PSD2: variants seen among roughly 807,000 people sequenced by gnomAD.
PSD2 encodes pleckstrin and Sec7 domain containing 2, also known as PH and SEC7 domain-containing protein 2.
A neutral mutation model predicts 69.8 loss-of-function variants in PSD2; 38 were observed. The ratio of observed to expected loss-of-function variants is 0.54; its 90% confidence interval spans 0.42 to 0.71. The LOEUF (loss-of-function observed/expected upper bound fraction) is 0.71. PSD2 is among the 30% of genes least tolerant of loss of function. The pLI, the probability that PSD2 is intolerant of heterozygous loss-of-function variation, is 0.00. For synonymous variants in PSD2, 412 were observed against 423.0 expected, an observed-to-expected ratio of 0.97 and a Z score of 0.32; for missense variants, 943 against 1,014.5, an observed-to-expected ratio of 0.93 and a Z score of 0.96.
intron 4 of PSD2, 141 bp from the exon 5 acceptor site, chr5:139,817,340 C>T: frequency 1.4e-6 from 1 of 715,442 alleles, no homozygotes; most frequent in Non-Finnish European, 2.5e-6. Context: ...AATGTTATGG[C>T]CCAACTAGCC....
the PSD2 span, among the ~76,000 whole-genome samples, chr5:139,787,255 C>T: frequency 1.3e-5 from 2 of 152,222 alleles, no homozygotes; most frequent in Non-Finnish European, 2.9e-5. Flanking sequence ...CCAAGGGCTC[C>T]TACCATGCCT....
At chr5:139,812,320 G>A (rs1485541806) in intron 2 of PSD2, among the ~76,000 whole-genome samples, 2 of 152,126 alleles carry the variant, frequency 1.3e-5, no homozygotes, top group African/African-American at 2.4e-5. Flanking sequence ...AAGGGGATGT[G>A]GAAGGAGGGC....
chr5:139,768,614 T>C, the PSD2 span, among the ~76,000 whole-genome samples: 16 of 151,742 alleles, frequency 1.1e-4, no homozygotes, highest in Non-Finnish European at 2.9e-5. Context: ...TCCCAGCTAT[T>C]TGGGAGGCTG....
the PSD2 span, among the ~76,000 whole-genome samples, chr5:139,788,738 C>G: frequency 1.3e-5 from 2 of 152,196 alleles, no homozygotes; most frequent in Non-Finnish European, 2.9e-5. Context: ...GGCTGGCTCT[C>G]GGCACTGCAA....
At chr5:139,759,231 C>T in the PSD2 span, among the ~76,000 whole-genome samples, 4 of 152,292 alleles carry the variant, frequency 2.6e-5, no homozygotes. Context: ...CTGCACCGCA[C>T]ACCGCAGATC....
At chr5:139,764,442 C>T in the PSD2 span, among the ~76,000 whole-genome samples, 2 of 152,128 alleles carry the variant, frequency 1.3e-5, no homozygotes, top group African/African-American at 4.8e-5. Context: ...GGTGGGGGAG[C>T]CATATCCGTG....
chr5:139,815,995 T>TA (rs768724760), intron 4 of PSD2, among the ~76,000 whole-genome samples: 3,218 of 92,646 alleles, frequency 0.035, 69 homozygotes, highest in African/African-American at 0.057. Context: ...CTCCATATAT[T>TA]AAAAAAAAAA....
At chr5:139,816,586 G>T (rs752568157) in intron 4 of PSD2, among the ~76,000 whole-genome samples, 1 of 152,226 alleles carries the variant, frequency 6.6e-6, no homozygotes, top group Non-Finnish European at 1.5e-5. Flanking sequence ...AATGGGCAGC[G>T]AGCTCCAGGC....
chr5:139,814,832 C>A lies in PSD2; in HGVS notation c.1016+468C>A, dbSNP rs1260106493. Among the ~76,000 whole-genome samples, 2 of 152,136 alleles carry A rather than the reference C, an allele frequency of 1.3e-5. No individual in the cohort carries two copies. The highest frequency in any genetic ancestry group is 4.8e-5 in the African/African-American group (2 of 41,430). The stretch of plus-strand genomic sequence containing the variant: ...GGGGCTGAAGCCCCCAAAGCACACA[C>A]CCTGGCCTTCAGACCAGGTGCAAAG... On this transcript the variant is annotated intron_variant, in intron 4 of 14. Coordinates refer to ENST00000274710, the MANE Select transcript of PSD2 (RefSeq NM_032289.4). This position sits in a 1 kb window ranked among gnomAD's most constrained non-coding sequence, Gnocchi z 4.4.
chr5:139,771,368 CTTTCT>C, the PSD2 span, among the ~76,000 whole-genome samples: 391 of 151,878 alleles, frequency 2.6e-3, 1 homozygote, highest in African/African-American at 8.5e-3. Context: ...AGCAGGCCTG[CTTTCT>C]TTTCTTTTCT....
At chr5:139,824,398 T>G (rs1349361450) in intron 7 of PSD2, among the ~76,000 whole-genome samples, 2 of 146,344 alleles carry the variant, frequency 1.4e-5, no homozygotes, top group East Asian at 3.9e-4. Context: ...TCTCTTGTTT[T>G]TTTTTTTTTT....
Position 139,837,772 on chromosome 5 carries a change from T to G in PSD2, c.1813T>G (p.Phe605Val). The G allele has an allele frequency of 6.2e-7, 1 of 1,610,312 alleles. No homozygotes were observed. Among genetic ancestry groups the G allele is most frequent in the Non-Finnish European group, 8.5e-7 (1 of 1,177,050 alleles). The change falls in exon 12 of 15, where the codon TTC (phenylalanine) becomes GTC (valine). Residue 605 changes from phenylalanine (F) to valine (V), a missense_variant. This residue lies in a region of PSD2 where 312 missense variants were observed against 400.7 expected (regional missense o/e 0.78). Transcript: ENST00000274710. This position sits in a 1 kb window ranked among gnomAD's most constrained non-coding sequence, Gnocchi z 5.0. The part of the protein sequence containing the change: ...LKTADWRVFL[F>V]QAPSKEEMLS... Reference sequence around the variant, plus strand: ...GACAGCCGACTGGAGGGTATTCCTCTTCCAGGCACCGTGAGTAGGAGCTGG... The same window carrying G: ...GACAGCCGACTGGAGGGTATTCCTCGTCCAGGCACCGTGAGTAGGAGCTGG...
rs58644184 is a variant in PSD2, at chr5:139,830,626, C to CTTTCTCTTTCTTTCTTTCTTTCTT, written c.1270-3075_1270-3074insTTCTCTTTCTTTCTTTCTTTCTTT. Among the ~76,000 whole-genome samples, 10 of 97,672 alleles carry CTTTCTCTTTCTTTCTTTCTTTCTT rather than the reference C, an allele frequency of 1.0e-4. No homozygotes were observed. In the East Asian group the frequency reaches 1.0e-3, roughly 10 times the overall value. The allele number at this position is 97,672 out of a possible 152,430, so 64.1% of individuals were successfully genotyped here. A position where few individuals can be genotyped will look rare whatever the true frequency, so the allele number is the denominator to read the frequency against. ...TTTCTTTCTCTTTCTTTCTTTCTTT[C>CTTTCTCTTTCTTTCTTTCTTTCTT]TCTTTCTTTCTTTCTTTCTTTCTTT... is the stretch of plus-strand genomic sequence containing the variant. On this transcript the variant is annotated intron_variant, in intron 7 of 14. Transcript: ENST00000274710.
At chr5:139,804,967 G>T (rs192957601) in intron 1 of PSD2, among the ~76,000 whole-genome samples, 1 of 150,498 alleles carries the variant, frequency 6.6e-6, no homozygotes, top group East Asian at 2.0e-4. Flanking sequence ...GTATGTGTGC[G>T]TGTGTGCGTG....
intron 8 of PSD2, among the ~76,000 whole-genome samples, chr5:139,834,945 A>G (rs890379042): frequency 2.5e-4 from 37 of 148,512 alleles, no homozygotes; most frequent in African/African-American, 8.7e-4. Flanking sequence ...ACCCATATAT[A>G]TATATATCTC....
chr5:139,766,937 C>CTTTCTTTCTT, the PSD2 span, among the ~76,000 whole-genome samples: 1 of 74,730 alleles, frequency 1.3e-5, no homozygotes, highest in African/African-American at 5.8e-5. Context: ...TCCCTTCTTT[C>CTTTCTTTCTT]TTTCTTTCTT....
the PSD2 span, among the ~76,000 whole-genome samples, chr5:139,768,129 TG>T: frequency 3.3e-5 from 5 of 152,170 alleles, no homozygotes; most frequent in East Asian, 1.9e-4. Context: ...CAGCTGAACC[TG>T]GGGGCCTTGC....
chr5:139,816,816 C>T (rs543770062), intron 4 of PSD2, among the ~76,000 whole-genome samples: 2 of 152,304 alleles, frequency 1.3e-5, no homozygotes, highest in Non-Finnish European at 1.5e-5. Context: ...TGGGCTCAGC[C>T]CCACCCTGAG....
chr5:139,808,441 AG>A (rs1274331364), intron 1 of PSD2, among the ~76,000 whole-genome samples: 1 of 152,180 alleles, frequency 6.6e-6, no homozygotes, highest in Non-Finnish European at 1.5e-5. Flanking sequence ...ATTTTACAGA[AG>A]AGAAACAGAC....
Sources: gnomAD v4.1 joint callset for allele counts (sites outside exome capture counted in the v4.1 genomes callset) on GRCh38, gnomAD v4.1.1 for gene constraint, gnomAD v4.1.1 regional missense constraint, Gnocchi (gnomAD v3.1) non-coding constraint, MANE v1.5 for transcripts, NCBI Gene and HGNC (gene_info 2026-07-23, HGNC 2026-07-21) for gene names.